PCSK5: variants seen among roughly 807,000 people sequenced by gnomAD.
The protein encoded by PCSK5 is proprotein convertase subtilisin/kexin type 5.
A neutral mutation model predicts 233.2 loss-of-function variants in PCSK5; 129 were observed. The ratio of observed to expected loss-of-function variants is 0.55; its 90% CI spans 0.48 to 0.64. PCSK5 has a LOEUF of 0.64. PCSK5 is among the 30% of genes least tolerant of loss of function. The pLI, the probability that PCSK5 is intolerant of heterozygous loss-of-function variation, is 0.00. For missense variants in PCSK5, 2,076 were observed against 2,430.1 expected, an observed-to-expected ratio of 0.85 and a Z score of 3.06; for synonymous variants, 825 against 879.2, an observed-to-expected ratio of 0.94 and a Z score of 1.09.
rs1480692262 is a variant in PCSK5 at position 76,018,019 on chromosome 9, ATGTG to A, written c.412-5716_412-5713del. ...AGAAGGTCTCCTCCAAAAAAAAAAA[ATGTG>A]TGAGGGAGTGAAACTATTGTCTGAA... is the stretch of plus-strand genomic sequence containing the variant. On this transcript the variant is annotated intron_variant, in intron 3 of 37. Coordinates refer to ENST00000674117, the MANE Select transcript of PCSK5 (RefSeq NM_001372043.1). 2.6e-5 allele frequency among the ~76,000 whole-genome samples: 4 copies of A among 151,056 alleles called. No individual in the cohort carries two copies. The East Asian group carries it at 7.8e-4, about 30-fold the overall frequency.
intron 6 of PCSK5, among the ~76,000 whole-genome samples, chr9:76,070,076 C>T (rs1462986782): frequency 6.7e-6 from 1 of 149,950 alleles, no homozygotes; most frequent in Non-Finnish European, 1.5e-5. Context: ...TCTCGGCTCA[C>T]TGCAAGCTCC....
At chr9:76,189,011 C>T (rs749063335) in intron 18 of PCSK5, 83 bp from the exon 19 acceptor site, 73 of 1,203,928 alleles carry the variant, frequency 6.1e-5, no homozygotes, top group Non-Finnish European at 8.3e-5. Context: ...ACGCCATTTT[C>T]TCAAACTGTT....
At chr9:75,930,765 AG>A (rs1342765322) in intron 1 of PCSK5, among the ~76,000 whole-genome samples, 1 of 152,188 alleles carries the variant, frequency 6.6e-6, no homozygotes, top group Non-Finnish European at 1.5e-5. Flanking sequence ...TTTTGACAAA[AG>A]TTACAGGAGA....
intron 3 of PCSK5, among the ~76,000 whole-genome samples, chr9:76,018,544 T>A (rs1446491156): frequency 6.6e-6 from 1 of 152,302 alleles, no homozygotes; most frequent in East Asian, 1.9e-4. Flanking sequence ...TCTAAGGCAA[T>A]GCCCAGTGAT....
intron 1 of PCSK5, among the ~76,000 whole-genome samples, chr9:75,905,436 G>A (rs981240228): frequency 6.6e-6 from 1 of 152,224 alleles, no homozygotes; most frequent in Non-Finnish European, 1.5e-5. Context: ...AAGAGGGCTT[G>A]AGCCCAAGAA....
chr9:76,310,053 A>T (rs2257718), intron 29 of PCSK5, among the ~76,000 whole-genome samples: 1 of 151,904 alleles, frequency 6.6e-6, no homozygotes, highest in Non-Finnish European at 1.5e-5. Flanking sequence ...TCTGAGTCCC[A>T]CCTGTCCAAC....
chr9:76,109,787 A>G (rs1351259614), intron 9 of PCSK5, among the ~76,000 whole-genome samples: 1 of 152,204 alleles, frequency 6.6e-6, no homozygotes, highest in Non-Finnish European at 1.5e-5. Context: ...GGTTTGTTGT[A>G]CAGCTCAATC....
rs745691591 is a variant in PCSK5, at chr9:76,350,943, G to A, written c.5067+15G>A. 3 of 1,370,770 alleles carry A rather than the reference G, an allele frequency of 2.2e-6. No individual in the cohort carries two copies. The highest frequency in any genetic ancestry group is 1.8e-4 in the Middle Eastern group (1 of 5,562). The allele number at this position is 1,370,770 out of a possible 1,614,324, so 84.9% of individuals were successfully genotyped here. A position where few individuals can be genotyped will look rare whatever the true frequency, so the allele number is the denominator to read the frequency against. On this transcript the variant is annotated intron_variant, in intron 36 of 37. Coordinates refer to ENST00000674117, the MANE Select transcript of PCSK5 (RefSeq NM_001372043.1). ...GAGTGGGAGAGGTATGGAGGGCTGG[G>A]GGTCCTGGGCCTTCTGCTCTTTCTA... is the stretch of plus-strand genomic sequence containing the variant.
intron 3 of PCSK5, among the ~76,000 whole-genome samples, chr9:75,990,260 G>A (rs1320498946): frequency 6.6e-6 from 1 of 152,154 alleles, no homozygotes; most frequent in African/African-American, 2.4e-5. Flanking sequence ...GCCCATTTCT[G>A]TCGTTCAATA....
intron 1 of PCSK5, among the ~76,000 whole-genome samples, chr9:75,915,468 C>G (rs971077420): frequency 6.6e-6 from 1 of 152,226 alleles, no homozygotes; most frequent in Non-Finnish European, 1.5e-5. Context: ...AACCATTCCC[C>G]ACTCTTGGTC....
chr9:76,330,233 A>T (rs757721468), intron 33 of PCSK5, among the ~76,000 whole-genome samples: 3 of 152,208 alleles, frequency 2.0e-5, no homozygotes, highest in Non-Finnish European at 2.9e-5. Context: ...CACAGATCAG[A>T]GTTGAAGGTT....
intron 10 of PCSK5, among the ~76,000 whole-genome samples, chr9:76,155,610 TGGATGGATGGAG>T (rs1363498538): frequency 2.0e-5 from 3 of 152,022 alleles, no homozygotes; most frequent in African/African-American, 7.3e-5. Context: ...CAGGAAATGA[TGGATGGATGGAG>T]GGATGGATGA....
intron 1 of PCSK5, among the ~76,000 whole-genome samples, chr9:75,924,425 A>G (rs1391503419): frequency 6.6e-6 from 1 of 152,190 alleles, no homozygotes; most frequent in Non-Finnish European, 1.5e-5. Flanking sequence ...TTACGAATCT[A>G]GGTGTCAGGA....
Position 76,212,062 on chromosome 9 carries a change from C to T in PCSK5, c.2627-15441C>T, listed in dbSNP as rs150921875. Among the ~76,000 whole-genome samples the T allele has an allele frequency of 6.9e-3, 1,051 of 152,294 alleles. 3 individuals are homozygous for T. Among genetic ancestry groups the T allele is most frequent in the Middle Eastern group, 0.017 (5 of 294 alleles). On this transcript the variant is annotated intron_variant, in intron 20 of 37. Coordinates refer to ENST00000674117, the MANE Select transcript of PCSK5 (RefSeq NM_001372043.1). Reference sequence around the variant, plus strand: ...TAAATGGTCCCAGCCACTGAGACCACTGTGAGAAAAGCCCTTTGTAACTAC... The same window carrying T: ...TAAATGGTCCCAGCCACTGAGACCATTGTGAGAAAAGCCCTTTGTAACTAC...
chr9:76,327,840 AG>A (rs1829411376), intron 32 of PCSK5, among the ~76,000 whole-genome samples, 168 bp from the exon 33 acceptor site: 1 of 152,170 alleles, frequency 6.6e-6, no homozygotes, highest in African/African-American at 2.4e-5. Flanking sequence ...TCCACCCCAG[AG>A]CTCAAGGGCT....
intron 3 of PCSK5, among the ~76,000 whole-genome samples, chr9:75,997,438 A>G (rs774963114): frequency 1.6e-4 from 25 of 152,230 alleles, no homozygotes; most frequent in Non-Finnish European, 2.6e-4. Flanking sequence ...ATGCACATCA[A>G]TATGATTTTT....
chr9:76,325,765 G>A (rs1038071236), intron 32 of PCSK5, among the ~76,000 whole-genome samples: 27 of 152,152 alleles, frequency 1.8e-4, no homozygotes. Flanking sequence ...AGCTTCCCGA[G>A]TGACTGGGAT....
At chr9:76,292,881 G>A (rs954489085) in intron 25 of PCSK5, among the ~76,000 whole-genome samples, 23 of 152,168 alleles carry the variant, frequency 1.5e-4, no homozygotes, top group African/African-American at 5.6e-4. Context: ...AGCTGCAAAG[G>A]AAAGGAAGTC....
At chr9:76,040,043 A>T (rs1829026080) in intron 5 of PCSK5, among the ~76,000 whole-genome samples, 1 of 152,242 alleles carries the variant, frequency 6.6e-6, no homozygotes, top group African/African-American at 2.4e-5. Flanking sequence ...TTTTACATTT[A>T]TGCCCACATC....
Sources: allele counts gnomAD v4.1 joint callset (sites outside exome capture counted in the v4.1 genomes callset), GRCh38; gene constraint gnomAD v4.1.1; transcripts MANE v1.5; gene names NCBI Gene and HGNC (gene_info 2026-07-23, HGNC 2026-07-21).